Variants in CLYBL observed in about 807,000 individuals in gnomAD.
CLYBL encodes citramalyl-CoA lyase.
CLYBL carries 31 observed loss-of-function variants against 38.9 expected under a neutral mutation model. The ratio of observed to expected loss-of-function variants is 0.80; its 90% CI spans 0.60 to 1.08. CLYBL has a LOEUF of 1.08. Among genes scored for constraint, CLYBL ranks in the 50% least tolerant of loss-of-function variants. CLYBL has a pLI of 0.00. For synonymous variants in CLYBL, 171 were observed against 158.6 expected (o/e 1.08, Z -0.59); for missense variants, 434 against 411.6 (o/e 1.05, Z -0.47).
Position 99,863,104 on chromosome 13 carries a change from A to G in CLYBL, c.540+12A>G, listed in dbSNP as rs768661172. 4 of 1,433,504 alleles carry G rather than the reference A, an allele frequency of 2.8e-6. No individual in the cohort carries two copies. Among genetic ancestry groups the G allele is most frequent in the African/African-American group, 1.4e-5 (1 of 70,552 alleles). 88.8% of individuals were successfully genotyped at this position (1,433,504 alleles called of 1,614,324 possible). On this transcript the variant is annotated intron_variant, in intron 4 of 8. Transcript: ENST00000339105. ...TGCTCAATTTTAAGGTAAGGAAGCC[A>G]TAATACGGTTAATAAGTTAGCATTT... is the stretch of plus-strand genomic sequence containing the variant.
intron 2 of CLYBL, among the ~76,000 whole-genome samples, chr13:99,847,898 G>A (rs9585243): frequency 0.028 from 4,277 of 152,246 alleles, 196 homozygotes; most frequent in African/African-American, 0.097. Flanking sequence ...GGAACGGAGC[G>A]TCATTCCTTG....
chr13:99,877,571 C>CTTA lies in CLYBL; in HGVS notation c.927+6511_927+6512insATT. 3 of 212,138 alleles carry CTTA rather than the reference C, an allele frequency of 1.4e-5. 1 individual carries two copies. The highest frequency in any genetic ancestry group is 1.1e-4 in the South Asian group (3 of 27,490). 13.1% of individuals were successfully genotyped at this position (212,138 alleles called of 1,614,324 possible). Reference sequence around the variant, plus strand: ...GTATTAATTAAAGAATTTTGTAATTCTTTTTTTTTTTTTTTTTTTTTTTAA... The same window carrying CTTA: ...GTATTAATTAAAGAATTTTGTAATTCTTATTTTTTTTTTTTTTTTTTTTTTTAA... On this transcript the variant is annotated intron_variant, in intron 7 of 8. Coordinates refer to ENST00000339105, the MANE Select transcript of CLYBL (RefSeq NM_206808.5).
intron 7 of CLYBL, among the ~76,000 whole-genome samples, chr13:99,879,446 CG>C (rs1406110212): frequency 6.6e-6 from 1 of 152,180 alleles, no homozygotes; most frequent in African/African-American, 2.4e-5. Flanking sequence ...CGGTGTCCTG[CG>C]TTTCAGTACC....
chr13:99,699,917 C>T (rs373567678), intron 1 of CLYBL, among the ~76,000 whole-genome samples: 1 of 146,670 alleles, frequency 6.8e-6, no homozygotes, highest in Non-Finnish European at 1.5e-5. Context: ...GCGTGAACCA[C>T]GGAGGCGGAG....
chr13:99,640,865 G>T (rs1341537522), intron 1 of CLYBL, among the ~76,000 whole-genome samples: 1 of 152,192 alleles, frequency 6.6e-6, no homozygotes, highest in African/African-American at 2.4e-5. Context: ...AAATGCACAC[G>T]TGGATATATA....
At chr13:99,732,444 T>C (rs2048608120) in intron 1 of CLYBL, among the ~76,000 whole-genome samples, 1 of 152,194 alleles carries the variant, frequency 6.6e-6, no homozygotes, top group Non-Finnish European at 1.5e-5. Context: ...TCCTCCCTCC[T>C]TAGCCACTTA....
At chr13:99,724,460 G>A (rs772366847) in intron 1 of CLYBL, among the ~76,000 whole-genome samples, 19 of 151,872 alleles carry the variant, frequency 1.3e-4, no homozygotes, top group Non-Finnish European at 2.8e-4. Context: ...AGGGTTGGCA[G>A]CCGGCACCCT....
chr13:99,697,866 T>A (rs1319349839), intron 1 of CLYBL, among the ~76,000 whole-genome samples: 1 of 152,002 alleles, frequency 6.6e-6, no homozygotes, highest in Non-Finnish European at 1.5e-5. Context: ...CAGGCTGGTC[T>A]CGAACTCCTG....
rs550332344 is a variant in CLYBL at position 99,877,056 on chromosome 13, C to T, written c.927+5994C>T. Among the ~76,000 whole-genome samples the T allele has an allele frequency of 6.6e-4, 100 of 152,338 alleles. 1 individual carries two copies. The highest frequency in any genetic ancestry group is 3.9e-3 in the South Asian group (19 of 4,826). On this transcript the variant is annotated intron_variant, in intron 7 of 8. Coordinates refer to ENST00000339105, the MANE Select transcript of CLYBL (RefSeq NM_206808.5). ...GCTCTGTTCACTGCAAACCCCACTTCACATCATTAGTTATCAGTCGTTCAG... is the reference window on the plus strand; with the variant it reads ...GCTCTGTTCACTGCAAACCCCACTTTACATCATTAGTTATCAGTCGTTCAG...
At position 99,849,622 on chromosome 13, in the gene CLYBL, C is replaced by T. The variant is rs1490776561; in HGVS notation, c.250-9239C>T. Among the ~76,000 whole-genome samples the T allele has an allele frequency of 6.6e-6, 1 of 152,254 alleles. No homozygotes were observed. The highest frequency in any genetic ancestry group is 2.4e-5 in the African/African-American group (1 of 41,466). On this transcript the variant is annotated intron_variant, in intron 2 of 8. Coordinates refer to ENST00000339105, the MANE Select transcript of CLYBL (RefSeq NM_206808.5). This position sits in a 1 kb window ranked among gnomAD's most constrained non-coding sequence, Gnocchi z 4.9. ...TTCTCAGCACCAGCTCCACATTGTC[C>T]TATGAGTTTGAGTCAGAGGTGCCTC...
chr13:99,697,267 G>A (rs2047994101), intron 1 of CLYBL, among the ~76,000 whole-genome samples: 1 of 152,198 alleles, frequency 6.6e-6, no homozygotes, highest in Non-Finnish European at 1.5e-5. Flanking sequence ...TTATTTGCAA[G>A]GATCCGCCCA....
intron 3 of CLYBL, among the ~76,000 whole-genome samples, chr13:99,862,467 T>G (rs1378898564): frequency 8.2e-6 from 1 of 122,326 alleles, no homozygotes; most frequent in Non-Finnish European, 1.7e-5. Flanking sequence ...CTTTTTAAGG[T>G]CTTCCTAGGT....
intron 2 of CLYBL, among the ~76,000 whole-genome samples, chr13:99,844,716 A>G (rs2051159286): frequency 6.6e-6 from 1 of 152,178 alleles, no homozygotes; most frequent in Non-Finnish European, 1.5e-5. Context: ...TAATCTTGCC[A>G]TCTTCGAAAA....
chr13:99,890,497 G>GCT (rs745477057), intron 7 of CLYBL, among the ~76,000 whole-genome samples: 15 of 151,956 alleles, frequency 9.9e-5, no homozygotes, highest in Non-Finnish European at 1.9e-4. Flanking sequence ...ATGGAGTCCC[G>GCT]CTCTGTCACT....
chr13:99,770,704 G>A (rs2049372105), intron 1 of CLYBL, among the ~76,000 whole-genome samples: 1 of 151,780 alleles, frequency 6.6e-6, no homozygotes, highest in African/African-American at 2.4e-5. Context: ...GCGCCCGGCC[G>A]GGTTTTAACT....
intron 3 of CLYBL, 84 bp from the exon 4 acceptor site, chr13:99,862,907 A>AGAC (rs1555320615): frequency 1.6e-6 from 1 of 613,346 alleles, no homozygotes; most frequent in African/African-American, 1.9e-5. Flanking sequence ...CTCAGGTCAA[A>AGAC]GACTTAAATA....
intron 2 of CLYBL, among the ~76,000 whole-genome samples, chr13:99,797,631 C>G (rs1369592337): frequency 2.0e-5 from 3 of 146,712 alleles, no homozygotes; most frequent in Non-Finnish European, 4.5e-5. Context: ...GAGGACCAGG[C>G]CTATTTTGAC....
chr13:99,867,739 T>TTGGCCTGCAATGTATGGCACTGGC (rs1280858431), intron 6 of CLYBL, among the ~76,000 whole-genome samples: 59 of 152,308 alleles, frequency 3.9e-4, no homozygotes, highest in African/African-American at 1.3e-3. Context: ...CCTGATGTTG[T>TTGGCCTGCAATGTATGGCACTGGC]TGGCCTGCAA....
At chr13:99,704,073 T>G (rs1020966291) in intron 1 of CLYBL, among the ~76,000 whole-genome samples, 1 of 152,352 alleles carries the variant, frequency 6.6e-6, no homozygotes, top group East Asian at 1.9e-4. Flanking sequence ...AAGTTGCTTA[T>G]GTAAAGACTC....
Sources: gnomAD v4.1 joint callset for allele counts (sites outside exome capture counted in the v4.1 genomes callset) on GRCh38, gnomAD v4.1.1 for gene constraint, Gnocchi (gnomAD v3.1) non-coding constraint, MANE v1.5 for transcripts, NCBI Gene and HGNC (gene_info 2026-07-23, HGNC 2026-07-21) for gene names.